Variants in COL19A1 observed in about 807,000 individuals in gnomAD.
COL19A1 encodes the protein collagen type XIX alpha 1 chain.
In COL19A1, 159 loss-of-function variants were observed where a neutral mutation model predicts 190.2. That is an observed-to-expected ratio of 0.84 (90% CI 0.73 to 0.95). COL19A1 has a LOEUF of 0.95. COL19A1 is among the 40% of genes least tolerant of loss of function. COL19A1 has a pLI of 0.00. For missense variants in COL19A1, 1,418 were observed against 1,431.9 expected, an observed-to-expected ratio of 0.99 and a Z score of 0.16; for synonymous variants, 509 against 458.9, an observed-to-expected ratio of 1.11 and a Z score of -1.39.
chr6:69,902,783 T>C (rs984204038), intron 4 of COL19A1, among the ~76,000 whole-genome samples: 2 of 152,176 alleles, frequency 1.3e-5, no homozygotes, highest in Non-Finnish European at 2.9e-5. Flanking sequence ...AGGCCACACT[T>C]TAAATTTCCA....
At chr6:70,164,702 CTT>C (rs1182026839) in intron 36 of COL19A1, among the ~76,000 whole-genome samples, 1 of 152,060 alleles carries the variant, frequency 6.6e-6, no homozygotes, top group African/African-American at 2.4e-5. Context: ...AAAAAAAAGA[CTT>C]TTCAGTAGGC....
At chr6:70,086,268 G>T (rs1472562445) in intron 15 of COL19A1, among the ~76,000 whole-genome samples, 1 of 151,452 alleles carries the variant, frequency 6.6e-6, no homozygotes, top group Non-Finnish European at 1.5e-5. Context: ...ACACACCCCT[G>T]CCCCACCCCC....
intron 14 of COL19A1, 59 bp from the exon 15 acceptor site, chr6:70,068,364 C>G (rs1040380607): frequency 4.8e-6 from 5 of 1,050,144 alleles, no homozygotes; most frequent in Non-Finnish European, 7.5e-6. Context: ...TCACAACATT[C>G]TTTGTGAGGC....
intron 11 of COL19A1, among the ~76,000 whole-genome samples, chr6:69,971,047 G>A (rs537273894): frequency 3.4e-4 from 52 of 151,752 alleles, no homozygotes; most frequent in Middle Eastern, 3.4e-3. Flanking sequence ...TACAGTGCTC[G>A]TGAATAACTC....
chr6:69,900,462 G>A (rs1391844323), intron 4 of COL19A1, 124 bp downstream of exon 4: 3 of 472,380 alleles, frequency 6.4e-6, no homozygotes, highest in African/African-American at 4.0e-5. Flanking sequence ...GGAATGCAGT[G>A]GTAAACGTGT....
intron 14 of COL19A1, among the ~76,000 whole-genome samples, chr6:70,038,023 C>T (rs1039847541): frequency 1.3e-5 from 2 of 152,142 alleles, no homozygotes; most frequent in East Asian, 1.9e-4. Flanking sequence ...CTCTTCCCTA[C>T]AAAATAGGGA....
intron 11 of COL19A1, among the ~76,000 whole-genome samples, chr6:69,981,638 TA>T (rs1776036667): frequency 6.6e-6 from 1 of 151,828 alleles, no homozygotes; most frequent in African/African-American, 2.4e-5. Context: ...GAACTTACAT[TA>T]TATTATATAT....
chr6:70,156,909 C>T (rs1434806152), intron 34 of COL19A1, among the ~76,000 whole-genome samples, 186 bp downstream of exon 34: 1 of 151,972 alleles, frequency 6.6e-6, no homozygotes, highest in Non-Finnish European at 1.5e-5. Flanking sequence ...TACCAAGGGT[C>T]CGGTTTTAGA....
chr6:69,905,337 C>A (rs1270641628), intron 4 of COL19A1, among the ~76,000 whole-genome samples: 1 of 152,196 alleles, frequency 6.6e-6, no homozygotes, highest in East Asian at 1.9e-4. Flanking sequence ...CACACTAGGT[C>A]TCTCAAACTG....
chr6:70,135,483 G>A (rs1785801954), intron 18 of COL19A1, among the ~76,000 whole-genome samples: 1 of 152,070 alleles, frequency 6.6e-6, no homozygotes, highest in African/African-American at 2.4e-5. Context: ...TTATTGCTTT[G>A]GGGATTCCAA....
chr6:69,924,333 A>G (rs1172840071), intron 4 of COL19A1, among the ~76,000 whole-genome samples: 4 of 149,694 alleles, frequency 2.7e-5, no homozygotes, highest in African/African-American at 7.4e-5. Flanking sequence ...ATTCCCGCCT[A>G]TGAGTGAGAA....
chr6:69,882,575 A>G (rs555994530), intron 2 of COL19A1, among the ~76,000 whole-genome samples: 36 of 152,320 alleles, frequency 2.4e-4, no homozygotes, highest in African/African-American at 7.7e-4. Context: ...ATATCATCAT[A>G]AAAAGCAATA....
In COL19A1 at chr6:69,932,796, A is replaced by G; in HGVS notation, c.680A>G (p.Gln227Arg). 6.3e-7 allele frequency: 1 copy of G among 1,599,564 alleles called. No homozygotes were observed. Among genetic ancestry groups the G allele is most frequent in the Non-Finnish European group, 8.5e-7 (1 of 1,171,214 alleles). ...DGKPVDIELHQLKIYCSANLI... is the reference protein window; with the variant it reads ...DGKPVDIELHRLKIYCSANLI... ...ATTTTTTCATAGATTGAACTTCACC[A>G]ACTTAAAATCTACTGCAGTGCAAAC... Residue 227 changes from glutamine (Q) to arginine (R), a missense_variant, in exon 7 of 51, where the codon CAA (glutamine) becomes CGA (arginine). By Grantham distance (43) the Gln-to-Arg change is conservative. Transcript: ENST00000620364.
rs1021418178 is a variant in COL19A1, at chr6:70,211,479, C to T, written c.*4205C>T. Among the ~76,000 whole-genome samples, 1 of 150,838 alleles carries T rather than the reference C, an allele frequency of 6.6e-6. No homozygotes were observed. Among genetic ancestry groups the T allele is most frequent in the Non-Finnish European group, 1.5e-5 (1 of 67,768 alleles). ...TGTTGACACATTTTTGTACCATCCC[C>T]CTTTTGTACCATCTCTGCTCACAAA... On this transcript the variant is annotated 3_prime_UTR_variant, in exon 51 of 51. Transcript: ENST00000620364.
chr6:69,929,420 TGCAGA>T lies in COL19A1; in HGVS notation c.391-4_391del, dbSNP rs1279478025. The T allele has an allele frequency of 6.2e-7, 1 of 1,607,948 alleles. No individual in the cohort carries two copies. The highest frequency in any genetic ancestry group is 1.7e-5 in the Admixed American group (1 of 59,014). On this transcript the variant is annotated splice_acceptor_variant and splice_polypyrimidine_tract_variant and coding_sequence_variant and intron_variant, in exon 6 of 51. Coordinates refer to ENST00000620364, the MANE Select transcript of COL19A1 (RefSeq NM_001858.6). LOFTEE classifies it high-confidence loss of function. Reference sequence around the variant, plus strand: ...AACATTTAAAGATACTTTACATTTTTGCAGATTTCTATAGTAGTTGATGGTGGAAA... The same window carrying T: ...AACATTTAAAGATACTTTACATTTTTTTTCTATAGTAGTTGATGGTGGAAA...
intron 48 of COL19A1, 36 bp downstream of exon 48, chr6:70,190,417 C>T (rs1362399575): frequency 2.9e-6 from 4 of 1,359,528 alleles, no homozygotes; most frequent in Non-Finnish European, 4.2e-6. Context: ...GAATTTTTCA[C>T]TGATTCCCAC....
intron 16 of COL19A1, among the ~76,000 whole-genome samples, chr6:70,115,769 A>G (rs1197792281): frequency 2.0e-5 from 3 of 149,220 alleles, no homozygotes; most frequent in East Asian, 2.0e-4. Flanking sequence ...ATCACATTTT[A>G]TAGTTCAAGA....
At chr6:69,898,838 T>G in intron 2 of COL19A1, 110 bp from the exon 3 acceptor site, 1 of 690,808 alleles carries the variant, frequency 1.4e-6, no homozygotes, top group Non-Finnish European at 2.4e-6. Context: ...TTACAGAAAT[T>G]TAATAAATGG....
At chr6:70,020,427 A>G (rs1447826179) in intron 11 of COL19A1, among the ~76,000 whole-genome samples, 5 of 152,002 alleles carry the variant, frequency 3.3e-5, no homozygotes, top group East Asian at 1.9e-4. Flanking sequence ...AAGTTCACCT[A>G]TATTTTCTTC....
Sources: allele counts gnomAD v4.1 joint callset (sites outside exome capture counted in the v4.1 genomes callset), GRCh38; gene constraint gnomAD v4.1.1; transcripts MANE v1.5; gene names NCBI Gene and HGNC (gene_info 2026-07-23, HGNC 2026-07-21).